LOC128706666: variants seen among roughly 807,000 people sequenced by gnomAD.
the LOC128706666 span, among the ~76,000 whole-genome samples, chr20:10,414,121 C>T: frequency 6.6e-6 from 1 of 152,140 alleles, no homozygotes; most frequent in African/African-American, 2.4e-5. Context: ...AATAAATCCC[C>T]TCTACAAGAA....
chr20:10,418,361 G>A, the LOC128706666 span, among the ~76,000 whole-genome samples: 1 of 152,074 alleles, frequency 6.6e-6, no homozygotes, highest in African/African-American at 2.4e-5. Context: ...GATACTTGAG[G>A]GCTCAATATA....
chr20:10,431,006 T>C, the LOC128706666 span, among the ~76,000 whole-genome samples: 2 of 152,166 alleles, frequency 1.3e-5, no homozygotes, highest in Admixed American at 1.3e-4. Context: ...AAATTACTTC[T>C]CTCCTGCCTC....
chr20:10,414,265 CT>C, the LOC128706666 span, among the ~76,000 whole-genome samples: 263 of 132,268 alleles, frequency 2.0e-3, no homozygotes, highest in Middle Eastern at 3.9e-3. Flanking sequence ...GTCTCTGAGT[CT>C]TTTTTTTTTT....
the LOC128706666 span, among the ~76,000 whole-genome samples, chr20:10,430,367 G>A: frequency 2.6e-5 from 4 of 152,098 alleles, no homozygotes; most frequent in Non-Finnish European, 5.9e-5. Flanking sequence ...TGTACAATGT[G>A]AATAATAACA....
chr20:10,415,275 C>T, the LOC128706666 span, among the ~76,000 whole-genome samples: 1 of 152,132 alleles, frequency 6.6e-6, no homozygotes, highest in Non-Finnish European at 1.5e-5. Context: ...GAGCATTTAG[C>T]ATAAATGAAA....
the LOC128706666 span, among the ~76,000 whole-genome samples, chr20:10,428,506 T>G: frequency 6.6e-6 from 1 of 152,226 alleles, no homozygotes; most frequent in Non-Finnish European, 1.5e-5. Context: ...TGAACACCTC[T>G]AACTTGTTGT....
At chr20:10,422,849 C>A in the LOC128706666 span, among the ~76,000 whole-genome samples, 1 of 151,756 alleles carries the variant, frequency 6.6e-6, no homozygotes, top group African/African-American at 2.4e-5. Flanking sequence ...GTAGCTGGGA[C>A]TACAGGTGCC....
At chr20:10,433,562 T>C in the LOC128706666 span, among the ~76,000 whole-genome samples, 1 of 152,150 alleles carries the variant, frequency 6.6e-6, no homozygotes. Context: ...GGTATGGTCT[T>C]ATCGGGGAGG....
chr20:10,431,891 TTC>T, the LOC128706666 span: 16 of 152,004 alleles, frequency 1.1e-4, no homozygotes, highest in African/African-American at 3.9e-4. Context: ...CAGAGAGCCT[TTC>T]TCTCAGCACT....
chr20:10,419,702 T>G, the LOC128706666 span, among the ~76,000 whole-genome samples: 1 of 152,170 alleles, frequency 6.6e-6, no homozygotes, highest in Non-Finnish European at 1.5e-5. Flanking sequence ...CCACCACAGT[T>G]GATCTAACCC....
At chr20:10,423,861 A>C in the LOC128706666 span, among the ~76,000 whole-genome samples, 1 of 152,248 alleles carries the variant, frequency 6.6e-6, no homozygotes, top group African/African-American at 2.4e-5. Context: ...ACTGAGACTC[A>C]GTACAGTATT....
the LOC128706666 span, among the ~76,000 whole-genome samples, chr20:10,432,276 A>C: frequency 6.6e-6 from 1 of 152,196 alleles, no homozygotes; most frequent in Non-Finnish European, 1.5e-5. Context: ...TCTATTGCCC[A>C]ATCCTGCTTC....
the LOC128706666 span, among the ~76,000 whole-genome samples, chr20:10,428,711 C>T: frequency 3.3e-5 from 5 of 152,102 alleles, no homozygotes; most frequent in Admixed American, 6.5e-5. Flanking sequence ...GTGGTGGGTG[C>T]ACCTGTAATC....
chr20:10,413,757 T>G, the LOC128706666 span: 3 of 593,948 alleles, frequency 5.1e-6, no homozygotes, highest in Non-Finnish European at 8.9e-6. Flanking sequence ...ACTCTTTTGT[T>G]TGCTTTGAGA....
the LOC128706666 span, among the ~76,000 whole-genome samples, chr20:10,430,280 C>T: frequency 6.6e-6 from 1 of 152,184 alleles, no homozygotes; most frequent in Non-Finnish European, 1.5e-5. Context: ...GGCTTTGAAT[C>T]TTCACTTACC....
At chr20:10,414,082 A>G in the LOC128706666 span, among the ~76,000 whole-genome samples, 1 of 152,222 alleles carries the variant, frequency 6.6e-6, no homozygotes. Context: ...AAGGTAGACC[A>G]ACTTTGACTT....
chr20:10,420,908 A>C, the LOC128706666 span: 1 of 152,224 alleles, frequency 6.6e-6, no homozygotes, highest in Admixed American at 6.5e-5. Flanking sequence ...CAATGTTAAT[A>C]AACAAAAAGA....
At chr20:10,419,588 C>A in the LOC128706666 span, among the ~76,000 whole-genome samples, 1 of 152,168 alleles carries the variant, frequency 6.6e-6, no homozygotes. Context: ...CTTGTACATA[C>A]ATACCTATGA....
the LOC128706666 span, among the ~76,000 whole-genome samples, chr20:10,417,764 A>G: frequency 2.0e-5 from 3 of 152,342 alleles, no homozygotes; most frequent in African/African-American, 7.2e-5. Context: ...AGTACCATCC[A>G]TGAAGTATTC....
Sources: allele counts gnomAD v4.1 joint callset (sites outside exome capture counted in the v4.1 genomes callset), GRCh38; gene constraint gnomAD v4.1.1; transcripts MANE v1.5.